Variants in ATRNL1 observed in about 807,000 individuals in gnomAD.
The protein encoded by ATRNL1 is attractin like 1.
In ATRNL1, 95 loss-of-function variants were observed where a neutral mutation model predicts 182.7. The observed-to-expected ratio is 0.52, with a 90% CI of 0.44 to 0.62. ATRNL1 has a LOEUF of 0.62. Ranked by LOEUF, ATRNL1 falls within the 20% of genes least tolerant of loss-of-function variation. The probability of loss-of-function intolerance (pLI) is 0.00; values close to 1 mark genes in which losing one functional copy is unlikely to be tolerated. For synonymous variants in ATRNL1, 576 were observed against 568.3 expected (o/e 1.01, Z -0.19); for missense variants, 1,471 against 1,679.5 (o/e 0.88, Z 2.17).
At chr10:115,165,710 A>C (rs1554884242) in intron 7 of ATRNL1, 65 bp downstream of exon 7, 1 of 831,790 alleles carries the variant, frequency 1.2e-6, no homozygotes, top group African/African-American at 1.7e-5. Flanking sequence ...CAGGCTAAAA[A>C]ATACTAAATC....
intron 24 of ATRNL1, among the ~76,000 whole-genome samples, chr10:115,509,758 G>A (rs1850294157): frequency 6.6e-6 from 1 of 152,006 alleles, no homozygotes. Context: ...TTGGCAGCCT[G>A]TGGATCAAGG....
chr10:115,336,204 C>A (rs749556825), intron 19 of ATRNL1, among the ~76,000 whole-genome samples: 1 of 152,124 alleles, frequency 6.6e-6, no homozygotes, highest in Non-Finnish European at 1.5e-5. Flanking sequence ...TGTCTCATTC[C>A]TAAACCTCGC....
intron 17 of ATRNL1, among the ~76,000 whole-genome samples, chr10:115,307,984 T>G (rs1853820397): frequency 6.6e-6 from 1 of 152,196 alleles, no homozygotes; most frequent in Admixed American, 6.5e-5. Flanking sequence ...TAAAATATTT[T>G]TATACTTATC....
At chr10:115,830,997 C>T (rs1950546823) in intron 27 of ATRNL1, among the ~76,000 whole-genome samples, 1 of 152,162 alleles carries the variant, frequency 6.6e-6, no homozygotes, top group Non-Finnish European at 1.5e-5. Flanking sequence ...TCCTTAGCCA[C>T]ATACATTCTC....
chr10:115,440,701 G>GCAAAATC (rs1298595505), intron 21 of ATRNL1, among the ~76,000 whole-genome samples: 3 of 151,700 alleles, frequency 2.0e-5, no homozygotes, highest in African/African-American at 7.3e-5. Context: ...TACTTGTGTA[G>GCAAAATC]CAAAATCCAA....
At position 115,933,136 on chromosome 10, in the gene ATRNL1, A is replaced by T. The variant is rs191168374; in HGVS notation, c.4019-11522A>T. On this transcript the variant is annotated intron_variant, in intron 28 of 28. Transcript: ENST00000355044. The stretch of plus-strand genomic sequence containing the variant: ...GAGTTATGCTTATGGTGGGACTTCC[A>T]ATTAGAAAAGTAAATTTTAAAACAA... Among the ~76,000 whole-genome samples the T allele has an allele frequency of 1.5e-3, 234 of 152,362 alleles. 3 individuals carry two copies. The highest frequency in any genetic ancestry group is 0.011 in the Admixed American group (169 of 15,306).
At chr10:115,271,246 G>C (rs1851849970) in intron 13 of ATRNL1, among the ~76,000 whole-genome samples, 1 of 151,618 alleles carries the variant, frequency 6.6e-6, no homozygotes, top group South Asian at 2.1e-4. Flanking sequence ...CCTTATTTCT[G>C]TAAGTGATCA....
At chr10:115,696,892 AGAGAGAGCGAGC>A (rs1313604775) in intron 26 of ATRNL1, among the ~76,000 whole-genome samples, 1 of 151,136 alleles carries the variant, frequency 6.6e-6, no homozygotes, top group African/African-American at 2.5e-5. Flanking sequence ...AGAGAGAGAG[AGAGAGAGCGAGC>A]GAGCTAGGGG....
intron 28 of ATRNL1, among the ~76,000 whole-genome samples, chr10:115,892,254 A>G (rs1303035497): frequency 6.6e-6 from 1 of 152,218 alleles, no homozygotes; most frequent in East Asian, 1.9e-4. Flanking sequence ...CAAACAGTGC[A>G]AACACAATCA....
intron 24 of ATRNL1, among the ~76,000 whole-genome samples, chr10:115,502,469 C>T (rs1399723749): frequency 6.6e-6 from 1 of 151,806 alleles, no homozygotes; most frequent in Non-Finnish European, 1.5e-5. Context: ...AGGCAAAAAC[C>T]CTTATTTTTT....
chr10:115,360,301 A>G (rs1554943844), intron 19 of ATRNL1, among the ~76,000 whole-genome samples: 1 of 149,738 alleles, frequency 6.7e-6, no homozygotes, highest in East Asian at 1.9e-4. Context: ...TTTAGTATTT[A>G]TAAAATGGAA....
At chr10:115,927,655 A>G (rs1203530764) in intron 28 of ATRNL1, among the ~76,000 whole-genome samples, 3 of 152,116 alleles carry the variant, frequency 2.0e-5, no homozygotes, top group Non-Finnish European at 4.4e-5. Context: ...GCAATACAGT[A>G]TATTACTGTT....
chr10:115,843,958 T>C (rs1325007841), intron 27 of ATRNL1, among the ~76,000 whole-genome samples: 1 of 152,106 alleles, frequency 6.6e-6, no homozygotes, highest in African/African-American at 2.4e-5. Flanking sequence ...TCACTTGAAC[T>C]CTTAGACCTT....
intron 26 of ATRNL1, among the ~76,000 whole-genome samples, chr10:115,572,075 A>G (rs886188596): frequency 1.3e-5 from 2 of 152,188 alleles, no homozygotes; most frequent in Admixed American, 1.3e-4. Context: ...GCAAATGGAC[A>G]GAAGTTTGGT....
chr10:115,881,323 C>T (rs1951822528), intron 28 of ATRNL1, among the ~76,000 whole-genome samples: 1 of 152,180 alleles, frequency 6.6e-6, no homozygotes, highest in African/African-American at 2.4e-5. Flanking sequence ...TCAGCCGGTG[C>T]CCAGCCCTTA....
At chr10:115,693,095 G>A (rs1213743921) in intron 26 of ATRNL1, among the ~76,000 whole-genome samples, 1 of 152,062 alleles carries the variant, frequency 6.6e-6, no homozygotes, top group African/African-American at 2.4e-5. Context: ...ATGTTTATAT[G>A]TTTATATGTA....
At chr10:115,516,468 A>G (rs1850641996) in intron 24 of ATRNL1, among the ~76,000 whole-genome samples, 1 of 151,846 alleles carries the variant, frequency 6.6e-6, no homozygotes, top group Non-Finnish European at 1.5e-5. Context: ...GAAAAATCAA[A>G]TATCCTCTTC....
intron 26 of ATRNL1, among the ~76,000 whole-genome samples, chr10:115,632,268 T>C (rs953503646): frequency 2.6e-5 from 4 of 152,146 alleles, no homozygotes; most frequent in East Asian, 3.9e-4. Context: ...ACCAGACTTA[T>C]GAGGTTGGCA....
intron 10 of ATRNL1, among the ~76,000 whole-genome samples, chr10:115,248,044 A>G: frequency 6.6e-6 from 1 of 152,216 alleles, no homozygotes; most frequent in East Asian, 1.9e-4. Flanking sequence ...GGTAGGTTAC[A>G]CAGAGAGATT....
Sources: allele counts gnomAD v4.1 joint callset (sites outside exome capture counted in the v4.1 genomes callset), GRCh38; gene constraint gnomAD v4.1.1; transcripts MANE v1.5; gene names NCBI Gene and HGNC (gene_info 2026-07-23, HGNC 2026-07-21).